The following AKAP7 variants were observed in gnomAD, a reference collection of about 807,000 sequenced individuals.
AKAP7 encodes A-kinase anchoring protein 7, also known as A kinase (PRKA) anchor protein 7.
Under a neutral mutation model 39.5 loss-of-function variants are expected in AKAP7, and 39 were observed. That is an observed-to-expected ratio of 0.99 (90% CI 0.76 to 1.29). AKAP7 has a LOEUF of 1.29. Ranked by LOEUF, AKAP7 falls within the 50% of genes most tolerant of loss-of-function variation. The pLI, the probability that AKAP7 is intolerant of heterozygous loss-of-function variation, is 0.00. For synonymous variants in AKAP7, 140 were observed against 139.1 expected (o/e 1.01, Z -0.05); for missense variants, 414 against 407.7 (o/e 1.02, Z -0.13).
At chr6:131,177,952 C>A (rs2128251975) in intron 5 of AKAP7, among the ~76,000 whole-genome samples, 1 of 152,344 alleles carries the variant, frequency 6.6e-6, no homozygotes, top group South Asian at 2.1e-4. Flanking sequence ...TTCCACAGGA[C>A]CCAGAGGTAT....
intron 7 of AKAP7, among the ~76,000 whole-genome samples, chr6:131,259,372 G>A (rs905369978): frequency 2.0e-5 from 3 of 152,096 alleles, no homozygotes; most frequent in Non-Finnish European, 4.4e-5. Context: ...TGACGAGCCT[G>A]GAAACCACAT....
intron 7 of AKAP7, among the ~76,000 whole-genome samples, chr6:131,276,736 TTAACATGG>T (rs1368573351): frequency 6.6e-6 from 1 of 152,206 alleles, no homozygotes; most frequent in Non-Finnish European, 1.5e-5. Context: ...TGTGATTATT[TTAACATGG>T]TTGCACTCCA....
At chr6:131,250,713 T>A in intron 7 of AKAP7, 2 of 1,223,632 alleles carry the variant, frequency 1.6e-6, no homozygotes, top group Non-Finnish European at 2.4e-6. Context: ...ATGGGAAGGA[T>A]AGCAGACTAA....
chr6:131,143,491 C>T (rs1330382428), intron 1 of AKAP7, among the ~76,000 whole-genome samples: 4 of 152,158 alleles, frequency 2.6e-5, no homozygotes, highest in African/African-American at 9.7e-5. Context: ...TCTTGAGGCT[C>T]TCACCAAAGC....
intron 5 of AKAP7, among the ~76,000 whole-genome samples, chr6:131,186,792 A>G (rs1361338509): frequency 6.8e-6 from 1 of 147,322 alleles, no homozygotes; most frequent in African/African-American, 2.4e-5. Flanking sequence ...TAAGGACAGT[A>G]ATCCCATTAA....
At chr6:131,246,722 T>C (rs1185544708) in intron 7 of AKAP7, among the ~76,000 whole-genome samples, 1 of 152,220 alleles carries the variant, frequency 6.6e-6, no homozygotes, top group African/African-American at 2.4e-5. Flanking sequence ...AATAGGATTA[T>C]ATTACTCTAG....
chr6:131,169,762 G>T (rs980223959), intron 5 of AKAP7, among the ~76,000 whole-genome samples: 1 of 152,166 alleles, frequency 6.6e-6, no homozygotes, highest in African/African-American at 2.4e-5. Context: ...GTTTGATCCA[G>T]AGATAATAGG....
intron 7 of AKAP7, among the ~76,000 whole-genome samples, chr6:131,246,105 A>G: frequency 6.7e-6 from 1 of 150,154 alleles, no homozygotes; most frequent in East Asian, 1.9e-4. Flanking sequence ...ATATATATAT[A>G]TATATATATA....
intron 1 of AKAP7, among the ~76,000 whole-genome samples, chr6:131,140,857 T>C (rs555050576): frequency 6.6e-6 from 1 of 152,354 alleles, no homozygotes; most frequent in African/African-American, 2.4e-5. Context: ...CTAAGCTGCA[T>C]TTGTGTTTTT....
intron 6 of AKAP7, among the ~76,000 whole-genome samples, 156 bp from the exon 7 acceptor site, chr6:131,219,505 A>C (rs1809513741): frequency 1.3e-5 from 2 of 152,166 alleles, no homozygotes; most frequent in Admixed American, 1.3e-4. Flanking sequence ...AAACAACTTC[A>C]CAACAATTTT....
intron 7 of AKAP7, among the ~76,000 whole-genome samples, chr6:131,271,854 A>G (rs1814311950): frequency 6.6e-6 from 1 of 152,202 alleles, no homozygotes; most frequent in Admixed American, 6.5e-5. Context: ...AAAAAATGGC[A>G]GTTACTTTGA....
rs1284002395 is a variant in AKAP7, at chr6:131,135,710, C to CCCGCCA, written c.-48_-43dup. ...CCTCGCCTCCAGCCCCGGGACGCGGCCCGCCACCGCCGCTGCCGCCAGCCC... is the reference window on the plus strand; with the variant it reads ...CCTCGCCTCCAGCCCCGGGACGCGGCCCGCCACCGCCACCGCCGCTGCCGCCAGCCC... On this transcript the variant is annotated 5_prime_UTR_variant, in exon 1 of 8. Coordinates refer to ENST00000431975, the MANE Select transcript of AKAP7 (RefSeq NM_016377.4). 5.7e-5 allele frequency: 67 copies of CCCGCCA among 1,185,732 alleles called. No individual in the cohort carries two copies. In the African/African-American group the frequency reaches 9.5e-4, roughly 17 times the overall value. 73.5% of individuals were successfully genotyped at this position (1,185,732 alleles called of 1,614,324 possible).
chr6:131,242,700 C>T (rs1410654275), intron 7 of AKAP7, among the ~76,000 whole-genome samples: 1 of 151,942 alleles, frequency 6.6e-6, no homozygotes, highest in Non-Finnish European at 1.5e-5. Context: ...GACTTTTGCC[C>T]CGAAGGTGAT....
chr6:131,154,838 A>G (rs975303743), intron 2 of AKAP7, among the ~76,000 whole-genome samples: 1 of 151,952 alleles, frequency 6.6e-6, no homozygotes, highest in Admixed American at 6.6e-5. Flanking sequence ...TCATGTATAA[A>G]TCTCCTTTTT....
chr6:131,181,511 CTT>C (rs994696912), intron 5 of AKAP7, among the ~76,000 whole-genome samples: 3 of 152,178 alleles, frequency 2.0e-5, no homozygotes, highest in African/African-American at 4.8e-5. Flanking sequence ...CTTCCAGACT[CTT>C]TTTCTAAAGC....
intron 7 of AKAP7, chr6:131,253,076 A>G (rs753548476): frequency 5.6e-6 from 9 of 1,613,588 alleles, no homozygotes; most frequent in Non-Finnish European, 6.8e-6. Context: ...CTACAGAGAT[A>G]CAGCAAGGAT....
At chr6:131,277,290 A>G (rs1394319694) in intron 7 of AKAP7, among the ~76,000 whole-genome samples, 2 of 152,232 alleles carry the variant, frequency 1.3e-5, no homozygotes, top group Non-Finnish European at 2.9e-5. Context: ...GATCAAGAAT[A>G]TTCTGGGGGA....
intron 4 of AKAP7, among the ~76,000 whole-genome samples, chr6:131,166,569 C>G (rs1312136384): frequency 2.6e-5 from 4 of 152,214 alleles, no homozygotes; most frequent in Non-Finnish European, 4.4e-5. Context: ...GTCGTAGTCT[C>G]AAGACCTCAG....
chr6:131,191,061 C>A (rs3850237), intron 5 of AKAP7, among the ~76,000 whole-genome samples: 10,536 of 152,264 alleles, frequency 0.069, 496 homozygotes, highest in Non-Finnish European at 0.11. Context: ...TGGGTTGATA[C>A]AAACGTGTTG....
Sources: allele counts gnomAD v4.1 joint callset (sites outside exome capture counted in the v4.1 genomes callset), GRCh38; gene constraint gnomAD v4.1.1; transcripts MANE v1.5; gene names NCBI Gene and HGNC (gene_info 2026-07-23, HGNC 2026-07-21).